The following WDR49 variants were observed in gnomAD, a reference collection of about 807,000 sequenced individuals.
WDR49 encodes the protein cilia- and flagella-associated protein 337.
In WDR49, 107 loss-of-function variants were observed where a neutral mutation model predicts 119.5. The ratio of observed to expected loss-of-function variants is 0.90; its 90% CI spans 0.77 to 1.05. WDR49 has a LOEUF of 1.05. Among genes scored for constraint, WDR49 ranks in the 50% least tolerant of loss-of-function variants. The pLI, the probability that WDR49 is intolerant of heterozygous loss-of-function variation, is 0.00. For missense variants in WDR49, 1,240 were observed against 1,220.5 expected (o/e 1.02, Z -0.24); for synonymous variants, 425 against 418.8 (o/e 1.01, Z -0.18).
Position 167,563,069 on chromosome 3 carries a change from A to G in WDR49, c.1510-2841T>C, listed in dbSNP as rs532873215. The stretch of plus-strand genomic sequence containing the variant: ...CAGTGAATGTAGACAATTAAATTTT[A>G]GAAACCTGATTTTAGGGCCGGGCGC... On this transcript the variant is annotated intron_variant, in intron 8 of 18. Coordinates refer to ENST00000682715, the MANE Select transcript of WDR49 (RefSeq NM_001366157.1). Among the ~76,000 whole-genome samples, 21 of 152,362 alleles carry G rather than the reference A, an allele frequency of 1.4e-4. No homozygotes were observed. In the South Asian group the frequency reaches 4.3e-3, roughly 32 times the overall value.
chr3:167,532,221 G>A (rs1231771473), intron 12 of WDR49, among the ~76,000 whole-genome samples: 2 of 152,108 alleles, frequency 1.3e-5, no homozygotes, highest in Non-Finnish European at 2.9e-5. Flanking sequence ...AGTTTATTCA[G>A]TTGAGACAAC....
intron 7 of WDR49, among the ~76,000 whole-genome samples, chr3:167,578,997 T>C (rs573097577): frequency 3.3e-5 from 5 of 152,118 alleles, no homozygotes; most frequent in Non-Finnish European, 5.9e-5. Flanking sequence ...CTTGTGATAG[T>C]ATGTGAGTTT....
At chr3:167,528,955 CT>C (rs1752742512) in intron 14 of WDR49, 96 bp downstream of exon 14, 1 of 992,870 alleles carries the variant, frequency 1.0e-6, no homozygotes, top group Admixed American at 3.4e-5. Context: ...ACATTTTTTC[CT>C]TTGTTTAGGA....
intron 9 of WDR49, among the ~76,000 whole-genome samples, chr3:167,558,332 A>T (rs1713066803): frequency 6.6e-6 from 1 of 152,208 alleles, no homozygotes; most frequent in South Asian, 2.1e-4. Context: ...TGAGTTAATA[A>T]TTTTAAGTCT....
intron 7 of WDR49, among the ~76,000 whole-genome samples, chr3:167,577,543 T>C (rs1714310914): frequency 6.6e-6 from 1 of 152,022 alleles, no homozygotes; most frequent in Admixed American, 6.6e-5. Flanking sequence ...TAATCTGAGT[T>C]TTTAATGTAG....
At chr3:167,520,804 C>G (rs1020152066) in intron 16 of WDR49, among the ~76,000 whole-genome samples, 1 of 152,130 alleles carries the variant, frequency 6.6e-6, no homozygotes, top group African/African-American at 2.4e-5. Flanking sequence ...AGCTCCAAAA[C>G]TGATCTTGTG....
At chr3:167,655,588 C>CA (rs905303513), upstream of WDR49, among the ~76,000 whole-genome samples, 43 of 151,746 alleles carry the variant, frequency 2.8e-4, no homozygotes, top group East Asian at 1.6e-3. Flanking sequence ...ATTATTCTTT[C>CA]AAAAAAAACA....
At chr3:167,648,141 TA>T (rs1196923906) in intron 2 of WDR49, among the ~76,000 whole-genome samples, 1 of 152,200 alleles carries the variant, frequency 6.6e-6, no homozygotes, top group Non-Finnish European at 1.5e-5. Context: ...TGAATATTTT[TA>T]GTCCTTCATC....
At chr3:167,612,735 A>T (rs905619279) in intron 5 of WDR49, among the ~76,000 whole-genome samples, 7 of 152,190 alleles carry the variant, frequency 4.6e-5, no homozygotes, top group African/African-American at 1.7e-4. Flanking sequence ...AAATTCCTAG[A>T]TGCATACAAC....
intron 16 of WDR49, among the ~76,000 whole-genome samples, chr3:167,521,138 T>G (rs549522736): frequency 6.6e-6 from 1 of 152,074 alleles, no homozygotes; most frequent in Admixed American, 6.6e-5. Context: ...TTGAGTTTCC[T>G]ACAGGCCAAG....
chr3:167,586,459 A>C (rs1714821316), intron 7 of WDR49, among the ~76,000 whole-genome samples: 1 of 152,222 alleles, frequency 6.6e-6, no homozygotes, highest in Admixed American at 6.5e-5. Flanking sequence ...CAAAAACGAA[A>C]TGAAGTTTCA....
At chr3:167,618,938 A>G (rs1716728464) in intron 5 of WDR49, among the ~76,000 whole-genome samples, 1 of 152,148 alleles carries the variant, frequency 6.6e-6, no homozygotes, top group South Asian at 2.1e-4. Flanking sequence ...ACCCTTAAAT[A>G]AAATTGAGGC....
intron 16 of WDR49, among the ~76,000 whole-genome samples, chr3:167,519,265 G>C (rs920961787): frequency 2.0e-5 from 3 of 152,102 alleles, no homozygotes; most frequent in African/African-American, 7.2e-5. Flanking sequence ...ACTACCATTT[G>C]ACCCAGCAAT....
chr3:167,548,285 A>G (rs1414216828), intron 10 of WDR49, among the ~76,000 whole-genome samples: 1 of 151,988 alleles, frequency 6.6e-6, no homozygotes, highest in African/African-American at 2.4e-5. Context: ...ACAGCTCAAG[A>G]CTGGATTCAG....
At chr3:167,546,066 TG>T (rs1712178023) in intron 10 of WDR49, among the ~76,000 whole-genome samples, 1 of 151,824 alleles carries the variant, frequency 6.6e-6, no homozygotes, top group African/African-American at 2.4e-5. Flanking sequence ...GATTACCCTT[TG>T]AGGAGGGAGA....
chr3:167,503,059 T>TACAC (rs370512215), intron 17 of WDR49, among the ~76,000 whole-genome samples: 6 of 152,194 alleles, frequency 3.9e-5, no homozygotes, highest in African/African-American at 1.4e-4. Context: ...ATAGAAGGAA[T>TACAC]ACACCACTGT....
chr3:167,561,651 G>T (rs1218762873), intron 8 of WDR49, among the ~76,000 whole-genome samples: 1 of 152,130 alleles, frequency 6.6e-6, no homozygotes, highest in Non-Finnish European at 1.5e-5. Flanking sequence ...CACAAAGGAG[G>T]TGATAACTGG....
At chr3:167,621,223 T>C (rs1172206514) in intron 4 of WDR49, among the ~76,000 whole-genome samples, 1 of 152,090 alleles carries the variant, frequency 6.6e-6, no homozygotes, top group Non-Finnish European at 1.5e-5. Flanking sequence ...TCTTTTTTTC[T>C]ACATGAGAAA....
At chr3:167,573,425 C>CACA (rs1714052002) in intron 8 of WDR49, among the ~76,000 whole-genome samples, 1 of 147,504 alleles carries the variant, frequency 6.8e-6, no homozygotes, top group African/African-American at 2.6e-5. Context: ...CACACACACA[C>CACA]ACACAACACA....
Sources: gnomAD v4.1 joint callset for allele counts (sites outside exome capture counted in the v4.1 genomes callset) on GRCh38, gnomAD v4.1.1 for gene constraint, MANE v1.5 for transcripts, NCBI Gene and HGNC (gene_info 2026-07-23, HGNC 2026-07-21) for gene names.